The following ARHGAP39 variants were observed in gnomAD, a reference collection of about 807,000 sequenced individuals.
The protein encoded by ARHGAP39 is rho GTPase-activating protein 39.
A neutral mutation model predicts 106.9 loss-of-function variants in ARHGAP39; 44 were observed. The observed-to-expected ratio is 0.41, with a 90% CI of 0.32 to 0.53. The LOEUF (loss-of-function observed/expected upper bound fraction) is 0.53. Ranked by LOEUF, ARHGAP39 falls within the 20% of genes least tolerant of loss-of-function variation. The probability of loss-of-function intolerance (pLI) is 0.21; values close to 1 mark genes in which losing one functional copy is unlikely to be tolerated. For missense variants in ARHGAP39, 1,496 were observed against 1,577.3 expected, an observed-to-expected ratio of 0.95 and a Z score of 0.87; for synonymous variants, 768 against 693.2, an observed-to-expected ratio of 1.11 and a Z score of -1.69.
At chr8:144,680,370 A>G (rs1822374882) in intron 1 of ARHGAP39, among the ~76,000 whole-genome samples, 1 of 152,256 alleles carries the variant, frequency 6.6e-6, no homozygotes, top group African/African-American at 2.4e-5. Flanking sequence ...CAGAGCGGCC[A>G]TGGACAATAC....
intron 2 of ARHGAP39, among the ~76,000 whole-genome samples, chr8:144,587,039 A>G (rs1819206909): frequency 6.6e-6 from 1 of 152,172 alleles, no homozygotes; most frequent in Admixed American, 6.5e-5. Context: ...TGGTTTTACA[A>G]GGGGCCTCCC....
At chr8:144,615,423 G>A (rs533112260) in intron 1 of ARHGAP39, among the ~76,000 whole-genome samples, 11 of 151,630 alleles carry the variant, frequency 7.3e-5, no homozygotes, top group African/African-American at 2.7e-4. Context: ...TCAGCTCCCC[G>A]AGACACAACC....
At chr8:144,570,403 C>T (rs537888953) in intron 3 of ARHGAP39, among the ~76,000 whole-genome samples, 1 of 152,204 alleles carries the variant, frequency 6.6e-6, no homozygotes, top group South Asian at 2.1e-4. Context: ...ACATCATTTA[C>T]AAGAAATAGA....
At chr8:144,589,195 A>G (rs1039225488) in intron 2 of ARHGAP39, among the ~76,000 whole-genome samples, 2 of 152,236 alleles carry the variant, frequency 1.3e-5, no homozygotes, top group Non-Finnish European at 2.9e-5. Flanking sequence ...TGCCATTTCC[A>G]CGTAAATCTA....
Position 144,548,227 on chromosome 8 carries a change from G to C in ARHGAP39, c.859C>G (p.Pro287Ala), listed in dbSNP as rs556492721. The C allele has an allele frequency of 6.2e-5, 100 of 1,606,592 alleles. No homozygotes were observed. The African/African-American group carries it at 1.3e-3, about 20-fold the overall frequency. Residue 287 changes from proline (P) to alanine (A), a missense_variant, in exon 5 of 12, where the codon CCG (proline) becomes GCG (alanine). By Grantham distance (27) the Pro-to-Ala change is conservative (BLOSUM62 -1). Transcript: ENST00000377307. This position sits in a 1 kb window ranked among gnomAD's most constrained non-coding sequence, Gnocchi z 7.4. ...KRAELPGSSS[P>A]LLAQPRKPSG... is the part of the protein sequence containing the mutation. ...GGCTTTCGGGGCTGGGCCAGCAGCG[G>C]GGAGCTGCTCCCTGGGAGCTCGGCC... is the stretch of plus-strand genomic sequence containing the variant.
At chr8:144,602,096 T>TGCGA (rs1317744729) in intron 2 of ARHGAP39, among the ~76,000 whole-genome samples, 2 of 137,026 alleles carry the variant, frequency 1.5e-5, no homozygotes, top group Admixed American at 7.4e-5. Flanking sequence ...GAGGCGTGTG[T>TGCGA]GCTCGTGTAC....
chr8:144,580,469 CAG>C (rs1563684887), intron 3 of ARHGAP39, among the ~76,000 whole-genome samples: 2 of 152,314 alleles, frequency 1.3e-5, no homozygotes, highest in African/African-American at 4.8e-5. Flanking sequence ...CTCTGCTGCC[CAG>C]AGAGACAAGA....
intron 5 of ARHGAP39, among the ~76,000 whole-genome samples, chr8:144,546,703 A>G (rs1217238724): frequency 6.6e-6 from 1 of 151,900 alleles, no homozygotes; most frequent in Non-Finnish European, 1.5e-5. Context: ...AGTTCTTCCT[A>G]CCCGAGGGAG....
intron 2 of ARHGAP39, among the ~76,000 whole-genome samples, chr8:144,587,541 T>C (rs560668885): frequency 1.3e-5 from 2 of 151,812 alleles, no homozygotes; most frequent in Admixed American, 6.6e-5. Context: ...GAGCACAGGA[T>C]AGTCAGAGGA....
rs148107809 is a variant in ARHGAP39, at chr8:144,563,229, A to G, written c.513-7586T>C. Among the ~76,000 whole-genome samples, 7 of 152,356 alleles carry G rather than the reference A, an allele frequency of 4.6e-5. No homozygotes were observed. In the East Asian group the frequency reaches 1.3e-3, roughly 29 times the overall value. On this transcript the variant is annotated intron_variant, in intron 3 of 11. Coordinates refer to ENST00000377307, the MANE Select transcript of ARHGAP39 (RefSeq NM_025251.3). ...TTTATTGTGTTTTTCATTAGCAGCTACTTTGTGAAAAGTATTTGAATCTAT... is the reference window on the plus strand; with the variant it reads ...TTTATTGTGTTTTTCATTAGCAGCTGCTTTGTGAAAAGTATTTGAATCTAT...
chr8:144,569,685 G>GGAAA (rs1384156651), intron 3 of ARHGAP39, among the ~76,000 whole-genome samples: 1 of 152,184 alleles, frequency 6.6e-6, no homozygotes, highest in East Asian at 1.9e-4. Context: ...TGGCACCAGT[G>GGAAA]GAAAGTGCAC....
At chr8:144,688,377 T>C (rs1452593014), upstream of ARHGAP39, among the ~76,000 whole-genome samples, 4 of 152,128 alleles carry the variant, frequency 2.6e-5, no homozygotes, top group African/African-American at 9.7e-5. Flanking sequence ...AGTGTTGGGA[T>C]TACAGGCGTG....
rs950069755 is a variant in ARHGAP39, at chr8:144,684,462, T to C, written c.-82+1224A>G. Among the ~76,000 whole-genome samples the C allele has an allele frequency of 3.3e-5, 5 of 152,142 alleles. No homozygotes were observed. Among genetic ancestry groups the C allele is most frequent in the African/African-American group, 4.8e-5 (2 of 41,442 alleles). The stretch of plus-strand genomic sequence containing the variant: ...GTTGTACCAGGAGGCACGAGAAGCC[T>C]CACCACTGTAGGTTTTTCAGCAGAG... On this transcript the variant is annotated intron_variant, in intron 1 of 11. Coordinates refer to ENST00000377307, the MANE Select transcript of ARHGAP39 (RefSeq NM_025251.3). This position sits in a 1 kb window ranked among gnomAD's most constrained non-coding sequence, Gnocchi z 4.4.
chr8:144,669,849 T>C (rs1488097105), intron 1 of ARHGAP39, among the ~76,000 whole-genome samples: 1 of 152,178 alleles, frequency 6.6e-6, no homozygotes, highest in African/African-American at 2.4e-5. Context: ...ATGGCTTTAA[T>C]CAGAAGGATG....
Position 144,548,624 on chromosome 8 carries a change from T to TG in ARHGAP39, c.597-136dup. ...CCTTCCTCGCTGGGGCCCTGTGGCC[T>TG]GGCGCCCCTCACACCTGCCTTGCCC... On this transcript the variant is annotated intron_variant, in intron 4 of 11. Coordinates refer to ENST00000377307, the MANE Select transcript of ARHGAP39 (RefSeq NM_025251.3). The surrounding 1 kb of genome is among the most constrained non-coding windows in gnomAD (Gnocchi z 7.4). The TG allele has an allele frequency of 7.9e-7, 1 of 1,262,500 alleles. No individual in the cohort carries two copies. Among genetic ancestry groups the TG allele is most frequent in the Non-Finnish European group, 1.1e-6 (1 of 942,094 alleles). The allele number at this position is 1,262,500 out of a possible 1,614,324, so 78.2% of individuals were successfully genotyped here.
At chr8:144,676,990 G>C (rs376998520) in intron 1 of ARHGAP39, among the ~76,000 whole-genome samples, 1 of 152,238 alleles carries the variant, frequency 6.6e-6, no homozygotes, top group East Asian at 1.9e-4. Context: ...GGATGGTCTT[G>C]ATCTCTTGAC....
intron 3 of ARHGAP39, among the ~76,000 whole-genome samples, chr8:144,578,040 T>G (rs1204265985): frequency 6.6e-6 from 1 of 152,192 alleles, no homozygotes; most frequent in African/African-American, 2.4e-5. Flanking sequence ...CAAATTCTTG[T>G]GGAATTGCAA....
At chr8:144,628,842 C>T (rs952064649) in intron 1 of ARHGAP39, among the ~76,000 whole-genome samples, 7 of 152,240 alleles carry the variant, frequency 4.6e-5, no homozygotes, top group African/African-American at 9.6e-5. Context: ...ACCCTGTCAC[C>T]GCTGTGCCTG....
chr8:144,608,156 CAAA>C (rs60966946), intron 1 of ARHGAP39, among the ~76,000 whole-genome samples: 1 of 96,328 alleles, frequency 1.0e-5, no homozygotes, highest in African/African-American at 4.6e-5. Flanking sequence ...GACTCTGTCT[CAAA>C]AAAAAAAAAA....
Sources: allele counts gnomAD v4.1 joint callset (sites outside exome capture counted in the v4.1 genomes callset), GRCh38; gene constraint gnomAD v4.1.1; non-coding constraint Gnocchi (gnomAD v3.1); transcripts MANE v1.5; gene names NCBI Gene and HGNC (gene_info 2026-07-23, HGNC 2026-07-21).